The following IFNG-AS1 variants were observed in gnomAD, a reference collection of about 807,000 sequenced individuals.
IFNG-AS1 encodes the protein IFNG antisense RNA 1 (non-protein coding).
chr12:68,020,609 A>G (rs1226365430), intron 4 of IFNG-AS1: 1 of 152,326 alleles, frequency 6.6e-6, no homozygotes, highest in South Asian at 2.1e-4. Flanking sequence ...AAGAAATGCA[A>G]TCGTAGACTT....
At chr12:68,017,034 G>T (rs1880171769) in intron 3 of IFNG-AS1, among the ~76,000 whole-genome samples, 1 of 152,154 alleles carries the variant, frequency 6.6e-6, no homozygotes. Flanking sequence ...AGAACAGAGT[G>T]CCCTACAAGC....
intron 1 of IFNG-AS1, among the ~76,000 whole-genome samples, chr12:67,991,529 C>T (rs1040069069): frequency 6.6e-6 from 1 of 152,194 alleles, no homozygotes; most frequent in East Asian, 1.9e-4. Context: ...AATCTTGTTT[C>T]TTGCCACCTT....
chr12:68,004,516 T>C (rs1289736337), intron 2 of IFNG-AS1, among the ~76,000 whole-genome samples: 1 of 152,350 alleles, frequency 6.6e-6, no homozygotes, highest in East Asian at 1.9e-4. Context: ...CCTCCGTGCA[T>C]GGCCTGGTCC....
chr12:67,993,314 C>A (rs548632456), intron 1 of IFNG-AS1, among the ~76,000 whole-genome samples: 1 of 152,156 alleles, frequency 6.6e-6, no homozygotes, highest in Non-Finnish European at 1.5e-5. Context: ...TGGCATTCAT[C>A]TCAGTGAAAG....
chr12:68,000,539 G>C (rs941206697), intron 2 of IFNG-AS1, among the ~76,000 whole-genome samples: 1 of 151,984 alleles, frequency 6.6e-6, no homozygotes, highest in Non-Finnish European at 1.5e-5. Flanking sequence ...AGGCATCGTG[G>C]TGCACACCTG....
At chr12:68,002,259 G>A (rs2906858) in intron 2 of IFNG-AS1, among the ~76,000 whole-genome samples, 52,883 of 152,142 alleles carry the variant, frequency 0.35, 10,063 homozygotes, top group Middle Eastern at 0.5. Flanking sequence ...AGGTCATGGG[G>A]GGAGTGGCGA....
chr12:68,012,122 C>T (rs1880045544), intron 3 of IFNG-AS1, among the ~76,000 whole-genome samples: 1 of 152,108 alleles, frequency 6.6e-6, no homozygotes, highest in Admixed American at 6.5e-5. Flanking sequence ...TCTTTCCTGC[C>T]TCCCTTAGCC....
intron 2 of IFNG-AS1, among the ~76,000 whole-genome samples, chr12:68,002,098 C>G (rs1156635900): frequency 6.6e-6 from 1 of 152,036 alleles, no homozygotes; most frequent in Non-Finnish European, 1.5e-5. Context: ...AAAATATTAC[C>G]TGGTTAATGC....
chr12:68,010,871 C>G (rs1262999776), intron 3 of IFNG-AS1, among the ~76,000 whole-genome samples: 1 of 152,124 alleles, frequency 6.6e-6, no homozygotes, highest in Non-Finnish European at 1.5e-5. Flanking sequence ...TCCTTTTACT[C>G]CTATGCAAAA....
intron 3 of IFNG-AS1, among the ~76,000 whole-genome samples, chr12:68,010,872 CT>C (rs2120462860): frequency 6.6e-6 from 1 of 152,272 alleles, no homozygotes; most frequent in East Asian, 1.9e-4. Flanking sequence ...CCTTTTACTC[CT>C]ATGCAAAAGG....
chr12:67,997,511 T>C (rs1879670350), intron 2 of IFNG-AS1, among the ~76,000 whole-genome samples: 1 of 151,580 alleles, frequency 6.6e-6, no homozygotes, highest in African/African-American at 2.4e-5. Context: ...AAAAGAGATA[T>C]AATATAAATG....
At chr12:68,019,044 A>G (rs1306431377) in intron 3 of IFNG-AS1, among the ~76,000 whole-genome samples, 2 of 152,064 alleles carry the variant, frequency 1.3e-5, no homozygotes, top group Admixed American at 6.6e-5. Flanking sequence ...TTTAAACTAA[A>G]ATAATTTGAT....
At chr12:68,003,106 TTC>T (rs1216292953) in intron 2 of IFNG-AS1, among the ~76,000 whole-genome samples, 15 of 152,240 alleles carry the variant, frequency 9.9e-5, no homozygotes, top group African/African-American at 3.4e-4. Flanking sequence ...TACATAAATG[TTC>T]TGTTATCTTA....
At chr12:67,998,172 T>C (rs1487182490) in intron 2 of IFNG-AS1, among the ~76,000 whole-genome samples, 2 of 152,018 alleles carry the variant, frequency 1.3e-5, no homozygotes, top group Non-Finnish European at 2.9e-5. Context: ...AAGGCAAAAA[T>C]ATATTTGCAC....
At chr12:68,020,107 G>A (rs1880252165) in intron 4 of IFNG-AS1, 2 of 152,196 alleles carry the variant, frequency 1.3e-5, no homozygotes. Context: ...TGGAAAGCCG[G>A]ACTAGGAAAA....
chr12:68,006,382 A>C (rs1317570016), intron 3 of IFNG-AS1, among the ~76,000 whole-genome samples: 1 of 152,252 alleles, frequency 6.6e-6, no homozygotes, highest in African/African-American at 2.4e-5. Flanking sequence ...TAAAACATTG[A>C]AAAACAAATT....
At chr12:68,017,539 G>C (rs946420323) in intron 3 of IFNG-AS1, among the ~76,000 whole-genome samples, 1 of 152,146 alleles carries the variant, frequency 6.6e-6, no homozygotes, top group African/African-American at 2.4e-5. Flanking sequence ...AACTGGATGT[G>C]GAAGATAAAG....
Position 68,002,946 on chromosome 12 carries a change from T to C in IFNG-AS1, n.185-3144T>C, listed in dbSNP as rs144589854. Among the ~76,000 whole-genome samples, 87 of 152,358 alleles carry C rather than the reference T, an allele frequency of 5.7e-4. 1 individual carries two copies. In the East Asian group the frequency reaches 0.013, roughly 22 times the overall value. On this transcript the variant is annotated intron_variant and non_coding_transcript_variant, in intron 2 of 5. Coordinates refer to ENST00000536914, the Ensembl canonical transcript of IFNG-AS1. ...AACTGGAGAACTGAGATAATCATCT[T>C]GACAATTTAGTCAAAATACTCTATA...
chr12:68,006,100 T>C (rs968421907), exon 3 of IFNG-AS1: 1 of 152,238 alleles, frequency 6.6e-6, no homozygotes, highest in African/African-American at 2.4e-5. Flanking sequence ...CGTAAAACGC[T>C]GGAGGAGAAG....
Sources: gnomAD v4.1 joint callset for allele counts (sites outside exome capture counted in the v4.1 genomes callset) on GRCh38, gnomAD v4.1.1 for gene constraint, MANE v1.5 for transcripts, NCBI Gene and HGNC (gene_info 2026-07-23, HGNC 2026-07-21) for gene names.